The following LIMS2 variants were observed in gnomAD, a reference collection of about 807,000 sequenced individuals.
LIMS2 encodes LIM zinc finger domain containing 2.
A neutral mutation model predicts 45.3 loss-of-function variants in LIMS2; 30 were observed. The observed-to-expected ratio is 0.66, with a 90% CI of 0.50 to 0.90. LIMS2 has a LOEUF of 0.90. Among genes scored for constraint, LIMS2 ranks in the 40% least tolerant of loss-of-function variants. LIMS2 has a pLI of 0.00. For synonymous variants in LIMS2, 173 were observed against 188.0 expected, an observed-to-expected ratio of 0.92 and a Z score of 0.65; for missense variants, 485 against 468.7, an observed-to-expected ratio of 1.03 and a Z score of -0.32.
intron 1 of LIMS2, among the ~76,000 whole-genome samples, chr2:127,669,086 C>G (rs1685165626): frequency 6.6e-6 from 1 of 152,118 alleles, no homozygotes; most frequent in African/African-American, 2.4e-5. Context: ...GAGTGAAACC[C>G]TGTCTCGAGA....
At chr2:127,656,415 C>CTTTTT (rs61254122) in intron 2 of LIMS2, among the ~76,000 whole-genome samples, 1 of 134,576 alleles carries the variant, frequency 7.4e-6, no homozygotes, top group Non-Finnish European at 1.6e-5. Context: ...TTTTTTCTTT[C>CTTTTT]TTTTTTTTTT....
At chr2:127,678,552 A>G (rs1685549852), upstream of LIMS2, among the ~76,000 whole-genome samples, 1 of 152,178 alleles carries the variant, frequency 6.6e-6, no homozygotes, top group African/African-American at 2.4e-5. This position sits in a 1 kb window ranked among gnomAD's most constrained non-coding sequence, Gnocchi z 5.3. Context: ...GGGCCGTGCG[A>G]CAGTAGGGAC....
intron 1 of LIMS2, among the ~76,000 whole-genome samples, chr2:127,658,959 C>T (rs1448189407): frequency 1.3e-5 from 2 of 152,200 alleles, no homozygotes; most frequent in Non-Finnish European, 2.9e-5. Flanking sequence ...GTGAGTGAGG[C>T]TCCTGTCGGG....
intron 4 of LIMS2, chr2:127,651,827 TTCCCCAGCCACC>T (rs1282132231): frequency 4.1e-5 from 59 of 1,424,194 alleles, no homozygotes; most frequent in Admixed American, 3.0e-4. Context: ...CATCTGCCCT[TTCCCCAGCCACC>T]TCCCCAGCAA....
At chr2:127,662,722 A>C (rs1475965486) in intron 1 of LIMS2, among the ~76,000 whole-genome samples, 2 of 151,922 alleles carry the variant, frequency 1.3e-5, no homozygotes, top group Non-Finnish European at 2.9e-5. Flanking sequence ...GCAGCAAACC[A>C]ACATGGCACA....
rs1685449272 is a variant in LIMS2, at chr2:127,675,098, A to T, written c.-74T>A. The stretch of plus-strand genomic sequence containing the variant: ...CCTCTGCTGCTGCAGCCGCCAGCCG[A>T]GCGCCCGCCCGCCAGCCCGGGCCGC... On this transcript the variant is annotated 5_prime_UTR_variant, in exon 1 of 10. Coordinates refer to ENST00000355119, the MANE Select transcript of LIMS2 (RefSeq NM_001161403.3). 2 of 1,211,954 alleles carry T rather than the reference A, an allele frequency of 1.7e-6. No individual in the cohort carries two copies. The highest frequency in any genetic ancestry group is 8.6e-5 in the Admixed American group (2 of 23,290). 75.1% of individuals were successfully genotyped at this position (1,211,954 alleles called of 1,614,324 possible).
rs1185480705 is a variant in LIMS2, at chr2:127,644,499, C to G, written c.360-1427G>C. 3.3e-5 allele frequency among the ~76,000 whole-genome samples: 5 copies of G among 152,350 alleles called. No homozygotes were observed. The East Asian group carries it at 5.8e-4, about 18-fold the overall frequency. ...CCTCCTCAGCAGGTCTGGGGCTGAG[C>G]TGCCCCACCTGGCGCCTATGGCGGC... On this transcript the variant is annotated intron_variant, in intron 4 of 9. Coordinates refer to ENST00000355119, the MANE Select transcript of LIMS2 (RefSeq NM_001161403.3).
chr2:127,657,324 C>A, intron 2 of LIMS2, 79 bp downstream of exon 2: 1 of 1,563,890 alleles, frequency 6.4e-7, no homozygotes, highest in South Asian at 1.1e-5. Flanking sequence ...GTCGGGACCA[C>A]TGCATGGAGC....
intron 1 of LIMS2, among the ~76,000 whole-genome samples, chr2:127,666,608 A>G (rs1433006754): frequency 7.3e-6 from 1 of 137,060 alleles, no homozygotes; most frequent in Non-Finnish European, 1.6e-5. Flanking sequence ...CTCAAGAAGA[A>G]ATAGAAAATC....
In LIMS2 at chr2:127,657,421, G is replaced by A. The variant is rs144872986; in HGVS notation, c.153C>T (p.Pro51=). The A allele has an allele frequency of 6.6e-5, 106 of 1,613,872 alleles. No homozygotes were observed. In the African/African-American group the frequency reaches 9.1e-4, roughly 14 times the overall value. ...TCCTCACCTCATAGAAGAGCCCCTC[G>A]GGGAAGGGCCGGAAGCACTGGGCAC... ...FVCAQCFRPF[P]EGLFYEFEGR... Residue 51 remains proline, a synonymous_variant, in exon 2 of 10, where the codon CCC becomes CCT. Transcript: ENST00000355119.
Position 127,639,103 on chromosome 2 carries a change from G to T in LIMS2, c.*178C>A. Reference sequence around the variant, plus strand: ...CCTCACAGACAGAAGCCACGGCCAAGGAGAGGAGAGACATGGGGAAGGCAG... The same window carrying T: ...CCTCACAGACAGAAGCCACGGCCAATGAGAGGAGAGACATGGGGAAGGCAG... On this transcript the variant is annotated 3_prime_UTR_variant, in exon 10 of 10. Coordinates refer to ENST00000355119, the MANE Select transcript of LIMS2 (RefSeq NM_001161403.3). 1.5e-6 allele frequency: 1 copy of T among 679,980 alleles called. No individual in the cohort carries two copies. The highest frequency in any genetic ancestry group is 2.4e-6 in the Non-Finnish European group (1 of 412,972). 42.1% of individuals were successfully genotyped at this position (679,980 alleles called of 1,614,324 possible). A position where few individuals can be genotyped will look rare whatever the true frequency, so the allele number is the denominator to read the frequency against.
At chr2:127,655,036 G>A (rs1684162670) in intron 2 of LIMS2, 140 bp from the exon 3 acceptor site, 1 of 799,534 alleles carries the variant, frequency 1.3e-6, no homozygotes, top group Non-Finnish European at 2.2e-6. Flanking sequence ...TGGAGCAGTG[G>A]GTCCCAGGCC....
At chr2:127,674,852 T>TGCCCCGACGGGCGCTGCC (rs1685433870) in intron 1 of LIMS2, 162 bp downstream of exon 1, 1 of 984,970 alleles carries the variant, frequency 1.0e-6, no homozygotes, top group East Asian at 1.1e-4. Flanking sequence ...GGGGGACCCC[T>TGCCCCGACGGGCGCTGCC]GCCCCGACGG....
chr2:127,657,831 G>C (rs1684365674), intron 1 of LIMS2, among the ~76,000 whole-genome samples: 1 of 152,180 alleles, frequency 6.6e-6, no homozygotes, highest in Non-Finnish European at 1.5e-5. Flanking sequence ...ACACCACCCA[G>C]CACAGGTGAG....
chr2:127,660,704 G>A (rs1470552637), intron 1 of LIMS2, among the ~76,000 whole-genome samples: 1 of 152,196 alleles, frequency 6.6e-6, no homozygotes, highest in Non-Finnish European at 1.5e-5. Context: ...TATTGTTGAA[G>A]TCAGCGAGAC....
chr2:127,666,738 C>G (rs1573842079), intron 1 of LIMS2, among the ~76,000 whole-genome samples: 1 of 152,062 alleles, frequency 6.6e-6, no homozygotes, highest in East Asian at 1.9e-4. Context: ...ACTCAGGAAA[C>G]TTATAGTCGT....
chr2:127,675,522 C>G lies in LIMS2; in HGVS notation c.-498G>C, dbSNP rs944739647. The stretch of plus-strand genomic sequence containing the variant: ...AGTCCTTCCCAACCCGGGCTCTGCT[C>G]GCCACCTCCTGGATTCCGGGCATAG... On this transcript the variant is annotated 5_prime_UTR_variant, in exon 1 of 10. Transcript: ENST00000355119. Among the ~76,000 whole-genome samples, 12 of 152,050 alleles carry G rather than the reference C, an allele frequency of 7.9e-5. No individual in the cohort carries two copies. Among genetic ancestry groups the G allele is most frequent in the African/African-American group, 2.7e-4 (11 of 41,420 alleles).
upstream of LIMS2, among the ~76,000 whole-genome samples, chr2:127,676,371 A>G (rs1457887309): frequency 6.6e-6 from 1 of 151,076 alleles, no homozygotes; most frequent in Non-Finnish European, 1.5e-5. Context: ...CCTGTTCCTA[A>G]GTGGCTGGTA....
intron 4 of LIMS2, chr2:127,651,126 C>A: frequency 6.2e-7 from 1 of 1,613,560 alleles, no homozygotes; most frequent in Non-Finnish European, 8.5e-7. Context: ...CGACCGTTTC[C>A]TGGCCATTGT....
Sources: allele counts gnomAD v4.1 joint callset (sites outside exome capture counted in the v4.1 genomes callset), GRCh38; gene constraint gnomAD v4.1.1; non-coding constraint Gnocchi (gnomAD v3.1); transcripts MANE v1.5; gene names NCBI Gene and HGNC (gene_info 2026-07-23, HGNC 2026-07-21).